Variants in PCDHGB5 observed in about 807,000 individuals in gnomAD.
The protein encoded by PCDHGB5 is protocadherin gamma-B5.
In PCDHGB5, 48 loss-of-function variants were observed where a neutral mutation model predicts 62.9. The ratio of observed to expected loss-of-function variants is 0.76; its 90% CI spans 0.61 to 0.97. The LOEUF is 0.97. PCDHGB5 is among the 50% of genes least tolerant of loss of function. The probability of loss-of-function intolerance (pLI) is 0.00; values close to 1 mark genes in which losing one functional copy is unlikely to be tolerated. For missense variants in PCDHGB5, 1,118 were observed against 1,198.6 expected, an observed-to-expected ratio of 0.93 and a Z score of 0.99; for synonymous variants, 474 against 511.2, an observed-to-expected ratio of 0.93 and a Z score of 0.98.
At chr5:141,462,813 TTGG>T (rs1474162732) in intron 1 of PCDHGB5, among the ~76,000 whole-genome samples, 1 of 152,198 alleles carries the variant, frequency 6.6e-6, no homozygotes, top group African/African-American at 2.4e-5. Flanking sequence ...AATGTTTTTA[TTGG>T]ACAGCAGACA....
chr5:141,463,018 T>C (rs1318740358), intron 1 of PCDHGB5, among the ~76,000 whole-genome samples: 1 of 152,212 alleles, frequency 6.6e-6, no homozygotes, highest in Admixed American at 6.5e-5. Flanking sequence ...AATTCTGACT[T>C]TTTTGATTAA....
intron 1 of PCDHGB5, among the ~76,000 whole-genome samples, chr5:141,444,982 A>G (rs10066383): frequency 7.1e-4 from 108 of 152,272 alleles, no homozygotes; most frequent in African/African-American, 2.5e-3. Flanking sequence ...ATCCATGAAC[A>G]TGGTATATAT....
intron 1 of PCDHGB5, chr5:141,468,330 C>CAAAAAA (rs533390277): frequency 1.3e-5 from 1 of 79,878 alleles, no homozygotes. Context: ...AACTCCATCT[C>CAAAAAA]AAAAAAAAAA....
intron 1 of PCDHGB5, chr5:141,478,878 T>A: frequency 8.0e-7 from 1 of 1,250,194 alleles, no homozygotes; most frequent in Non-Finnish European, 1.1e-6. Flanking sequence ...GAGTTTAGCT[T>A]GGTATCATTT....
In PCDHGB5 at chr5:141,490,647, G is replaced by T; in HGVS notation, c.2398-4160G>T. 6.2e-7 allele frequency: 1 copy of T among 1,614,084 alleles called. No homozygotes were observed. Among genetic ancestry groups the T allele is most frequent in the Non-Finnish European group, 8.5e-7 (1 of 1,180,014 alleles). ...CTTACATCCTAGAAAACCGGCCTCCGGGCTCCCTTCTTTGCACTGTGGCTG... is the reference window on the plus strand; with the variant it reads ...CTTACATCCTAGAAAACCGGCCTCCTGGCTCCCTTCTTTGCACTGTGGCTG... On this transcript the variant is annotated intron_variant, in intron 1 of 3. Transcript: ENST00000617380. This position sits in a 1 kb window ranked among gnomAD's most constrained non-coding sequence, Gnocchi z 5.4.
At chr5:141,443,713 A>G (rs774603084) in intron 1 of PCDHGB5, among the ~76,000 whole-genome samples, 19 of 152,246 alleles carry the variant, frequency 1.2e-4, no homozygotes, top group Admixed American at 8.5e-4. Flanking sequence ...ACATTTGCAT[A>G]TAAAATTCCT....
intron 1 of PCDHGB5, chr5:141,408,241 G>A: frequency 1.3e-6 from 2 of 1,580,050 alleles, no homozygotes; most frequent in Non-Finnish European, 1.7e-6. Flanking sequence ...GGGCCGGCCC[G>A]CGGCAGGTGC....
Position 141,486,427 on chromosome 5 carries a change from A to G in PCDHGB5, c.2398-8380A>G. On this transcript the variant is annotated intron_variant, in intron 1 of 3. Transcript: ENST00000617380. This position sits in a 1 kb window ranked among gnomAD's most constrained non-coding sequence, Gnocchi z 5.0. ...CTGGACCCTTGGATCGAGAGGCCAA[A>G]TCTAGCTATGACATCATGGTCACTG... The G allele has an allele frequency of 6.2e-7, 1 of 1,614,160 alleles. No homozygotes were observed. Among genetic ancestry groups the G allele is most frequent in the Non-Finnish European group, 8.5e-7 (1 of 1,180,016 alleles).
At chr5:141,427,396 A>G (rs1303085720) in intron 1 of PCDHGB5, 1 of 460,578 alleles carries the variant, frequency 2.2e-6, no homozygotes, top group Non-Finnish European at 4.4e-6. Context: ...AAAACACATG[A>G]TAAAGATTCG....
chr5:141,408,378 T>C lies in PCDHGB5; in HGVS notation c.2397+7854T>C, dbSNP rs1369625426. 28 of 1,613,884 alleles carry C rather than the reference T, an allele frequency of 1.7e-5. No homozygotes were observed. The South Asian group carries it at 3.0e-4, about 17-fold the overall frequency. The stretch of plus-strand genomic sequence containing the variant: ...GCTAAGGATCTAGGGCTCAGTGTCC[T>C]GGATGTGTCGGCTCGCAAGCTGCGA... On this transcript the variant is annotated intron_variant, in intron 1 of 3. Transcript: ENST00000617380.
intron 1 of PCDHGB5, chr5:141,413,173 A>G: frequency 6.2e-7 from 1 of 1,600,856 alleles, no homozygotes; most frequent in African/African-American, 1.3e-5. Context: ...TAACCAGACT[A>G]CAATGGCCGC....
intron 1 of PCDHGB5, chr5:141,420,076 TCCC>T: frequency 1.9e-6 from 3 of 1,613,956 alleles, no homozygotes; most frequent in Non-Finnish European, 2.5e-6. Context: ...GACCTGTGGG[TCCC>T]CCCAACTACA....
At chr5:141,423,126 G>A (rs1397550571) in intron 1 of PCDHGB5, 1 of 1,613,622 alleles carries the variant, frequency 6.2e-7, no homozygotes, top group Non-Finnish European at 8.5e-7. Context: ...CGCGGGCACT[G>A]CTGGACAGAG....
At chr5:141,427,228 T>C (rs2097002884) in intron 1 of PCDHGB5, 1 of 456,550 alleles carries the variant, frequency 2.2e-6, no homozygotes, top group South Asian at 1.5e-5. Context: ...AGTTATACCA[T>C]GAGAGTAGAA....
chr5:141,512,712 A>G lies in PCDHGB5; in HGVS notation c.*1539A>G, dbSNP rs1362654237. 1 of 152,806 alleles carries G rather than the reference A, an allele frequency of 6.5e-6. No homozygotes were observed. The highest frequency in any genetic ancestry group is 2.4e-5 in the African/African-American group (1 of 41,414). 9.5% of individuals were successfully genotyped at this position (152,806 alleles called of 1,614,324 possible). On this transcript the variant is annotated 3_prime_UTR_variant, in exon 4 of 4. Coordinates refer to ENST00000617380, the MANE Select transcript of PCDHGB5 (RefSeq NM_018925.3). Reference sequence around the variant, plus strand: ...GTGTAGTGCGGTGTGCTTTTACGTGATGGCGGGTGGGCAGCGGGCGGCGGG... The same window carrying G: ...GTGTAGTGCGGTGTGCTTTTACGTGGTGGCGGGTGGGCAGCGGGCGGCGGG...
chr5:141,402,394 G>T (rs928311359), intron 1 of PCDHGB5, among the ~76,000 whole-genome samples: 5 of 151,852 alleles, frequency 3.3e-5, no homozygotes, highest in Non-Finnish European at 7.4e-5. Context: ...AATTACTTCA[G>T]AAAATTGTTA....
At position 141,399,719 on chromosome 5, in the gene PCDHGB5, G is replaced by A. The variant is rs773556952; in HGVS notation, c.1592G>A (p.Arg531His). ...ACCTTCGAACTCACACTACAGGCCC[G>A]CGACCAGGGCTCGCCTGCGCTCAGC... ...LRTFELTLQARDQGSPALSAN... is the reference protein window; with the variant it reads ...LRTFELTLQAHDQGSPALSAN... The change falls in exon 1 of 4, where the codon CGC becomes CAC. Residue 531 changes from arginine to histidine, a missense_variant. Transcript: ENST00000617380. The A allele has an allele frequency of 8.1e-6, 13 of 1,613,168 alleles. No homozygotes were observed. Among genetic ancestry groups the A allele is most frequent in the Non-Finnish European group, 1.1e-5 (13 of 1,179,874 alleles).
At chr5:141,454,665 CA>C (rs2098795764) in intron 1 of PCDHGB5, among the ~76,000 whole-genome samples, 3 of 152,058 alleles carry the variant, frequency 2.0e-5, no homozygotes, top group Non-Finnish European at 4.4e-5. Flanking sequence ...CTCGGCCTCC[CA>C]AAACACTGGG....
intron 1 of PCDHGB5, chr5:141,418,015 G>C: frequency 6.2e-7 from 1 of 1,613,964 alleles, no homozygotes; most frequent in Non-Finnish European, 8.5e-7. Context: ...ACCTCGCTAA[G>C]GATCTAGGGC....
Sources: gnomAD v4.1 joint callset for allele counts (sites outside exome capture counted in the v4.1 genomes callset) on GRCh38, gnomAD v4.1.1 for gene constraint, Gnocchi (gnomAD v3.1) non-coding constraint, MANE v1.5 for transcripts, NCBI Gene and HGNC (gene_info 2026-07-23, HGNC 2026-07-21) for gene names.